PAX5: variants seen among roughly 807,000 people sequenced by gnomAD.
PAX5 encodes the protein paired box 5.
A neutral mutation model predicts 43.7 loss-of-function variants in PAX5; 9 were observed. The ratio of observed to expected loss-of-function variants is 0.21; its 90% CI spans 0.12 to 0.36. The LOEUF is 0.36. Among genes scored for constraint, PAX5 ranks in the 10% least tolerant of loss-of-function variants. The probability of loss-of-function intolerance (pLI) is 1.00; values close to 1 mark genes in which losing one functional copy is unlikely to be tolerated. For missense variants in PAX5, 383 were observed against 532.7 expected (o/e 0.72, Z 2.77); for synonymous variants, 228 against 214.3 (o/e 1.06, Z -0.56).
At chr9:36,992,604 C>T (rs1438938558) in intron 5 of PAX5, among the ~76,000 whole-genome samples, 1 of 152,250 alleles carries the variant, frequency 6.6e-6, no homozygotes, top group Non-Finnish European at 1.5e-5. Flanking sequence ...AGAAGCACTA[C>T]ATACATATCC....
At chr9:36,861,686 G>T (rs1215845680) in intron 8 of PAX5, among the ~76,000 whole-genome samples, 2 of 151,902 alleles carry the variant, frequency 1.3e-5, no homozygotes, top group Non-Finnish European at 2.9e-5. Context: ...GAGGTGTGTG[G>T]CTAGGACAGC....
chr9:36,922,395 A>C (rs1830242453), intron 7 of PAX5, among the ~76,000 whole-genome samples: 1 of 152,130 alleles, frequency 6.6e-6, no homozygotes, highest in African/African-American at 2.4e-5. Context: ...CCCCTTGTCT[A>C]TTTGTGCAGT....
intron 5 of PAX5, among the ~76,000 whole-genome samples, chr9:37,001,956 C>T (rs1243968040): frequency 6.6e-6 from 1 of 151,860 alleles, no homozygotes; most frequent in Non-Finnish European, 1.5e-5. Flanking sequence ...TGTCCGGTGT[C>T]CAGGATGGAG....
At chr9:36,932,344 T>C (rs1256459243) in intron 6 of PAX5, among the ~76,000 whole-genome samples, 1 of 152,192 alleles carries the variant, frequency 6.6e-6, no homozygotes, top group East Asian at 1.9e-4. Flanking sequence ...CTGAAGTTTG[T>C]CGAAAAATAA....
At chr9:37,025,968 C>T (rs533726785) in intron 1 of PAX5, among the ~76,000 whole-genome samples, 54 of 152,260 alleles carry the variant, frequency 3.5e-4, no homozygotes, top group African/African-American at 1.2e-3. Context: ...ACTCAGAAAC[C>T]GCTACTTCCT....
intron 8 of PAX5, among the ~76,000 whole-genome samples, chr9:36,856,271 C>T (rs10511934): frequency 0.17 from 25,252 of 152,180 alleles, 2,126 homozygotes; most frequent in Middle Eastern, 0.28. Context: ...AAACACCAGT[C>T]CCGATCTTTG....
chr9:36,973,835 G>A (rs369542637), intron 5 of PAX5, among the ~76,000 whole-genome samples: 1 of 152,166 alleles, frequency 6.6e-6, no homozygotes, highest in African/African-American at 2.4e-5. Context: ...GTAAAACCCC[G>A]TCTCTACTAA....
chr9:36,978,736 G>A (rs1418888324), intron 5 of PAX5, among the ~76,000 whole-genome samples: 1 of 152,120 alleles, frequency 6.6e-6, no homozygotes, highest in Non-Finnish European at 1.5e-5. Context: ...ATCAAAGTGA[G>A]AGGGAGGAAA....
chr9:36,843,142 G>C (rs988559743), intron 9 of PAX5, among the ~76,000 whole-genome samples: 2 of 151,986 alleles, frequency 1.3e-5, no homozygotes, highest in Non-Finnish European at 2.9e-5. Context: ...GTGTGTGTGT[G>C]CATGTGTGTG....
intron 9 of PAX5, among the ~76,000 whole-genome samples, chr9:36,842,512 G>C (rs1010684661): frequency 2.6e-5 from 4 of 152,096 alleles, no homozygotes; most frequent in African/African-American, 7.2e-5. Flanking sequence ...ACCCTCCAGC[G>C]GGCCTCCGTG....
At chr9:36,896,418 G>A (rs1435988178) in intron 7 of PAX5, among the ~76,000 whole-genome samples, 1 of 151,952 alleles carries the variant, frequency 6.6e-6, no homozygotes, top group Non-Finnish European at 1.5e-5. Context: ...TACGAGACAG[G>A]CAGGCTGAGC....
Position 36,840,407 on chromosome 9 carries a change from G to A in PAX5, c.*153C>T. Reference sequence around the variant, plus strand: ...AACGGCCCCACCAAAGGGCCCCAGAGTCCCTGGAGGAAGAGAGGAAGAGGG... The same window carrying A: ...AACGGCCCCACCAAAGGGCCCCAGAATCCCTGGAGGAAGAGAGGAAGAGGG... On this transcript the variant is annotated 3_prime_UTR_variant, in exon 10 of 10. Transcript: ENST00000358127. 2 of 762,552 alleles carry A rather than the reference G, an allele frequency of 2.6e-6. No homozygotes were observed. Among genetic ancestry groups the A allele is most frequent in the South Asian group, 3.0e-5 (2 of 66,304 alleles). The allele number at this position is 762,552 out of a possible 1,614,324, so 47.2% of individuals were successfully genotyped here. A position where few individuals can be genotyped will look rare whatever the true frequency, so the allele number is the denominator to read the frequency against.
At chr9:36,960,370 CCCTTGG>C (rs1833860745) in intron 6 of PAX5, among the ~76,000 whole-genome samples, 1 of 152,166 alleles carries the variant, frequency 6.6e-6, no homozygotes, top group Non-Finnish European at 1.5e-5. Context: ...GGCAGCAGCC[CCCTTGG>C]ACACAGGAGC....
At chr9:36,999,158 C>T (rs910893545) in intron 5 of PAX5, among the ~76,000 whole-genome samples, 2 of 152,184 alleles carry the variant, frequency 1.3e-5, no homozygotes, top group Admixed American at 1.3e-4. Flanking sequence ...AAGTCTAAGC[C>T]ACCCACATCT....
chr9:37,029,336 C>G (rs1185733440), intron 1 of PAX5, among the ~76,000 whole-genome samples: 1 of 152,230 alleles, frequency 6.6e-6, no homozygotes, highest in Admixed American at 6.5e-5. Context: ...CTGTTCCACA[C>G]CCAGCTGTCC....
chr9:36,837,804 G>A lies in PAX5; in HGVS notation c.*2756C>T, dbSNP rs1821746912. The A allele has an allele frequency of 4.3e-6, 1 of 233,524 alleles. No homozygotes were observed. The highest frequency in any genetic ancestry group is 8.5e-6 in the Non-Finnish European group (1 of 118,140). 14.5% of individuals were successfully genotyped at this position (233,524 alleles called of 1,614,324 possible). A position where few individuals can be genotyped will look rare whatever the true frequency, so the allele number is the denominator to read the frequency against. ...ATGGGGGGAGCTCATTACAGGGCAAGAAGAGGAACAGGATGGGGAGAGGGG... is the reference window on the plus strand; with the variant it reads ...ATGGGGGGAGCTCATTACAGGGCAAAAAGAGGAACAGGATGGGGAGAGGGG... On this transcript the variant is annotated 3_prime_UTR_variant, in exon 10 of 10. Transcript: ENST00000358127.
chr9:36,969,357 C>T (rs973289670), intron 5 of PAX5, among the ~76,000 whole-genome samples: 1 of 152,120 alleles, frequency 6.6e-6, no homozygotes, highest in Non-Finnish European at 1.5e-5. Context: ...CAGGCTTGAT[C>T]CCTCTCCCCC....
chr9:36,836,859 G>A lies in PAX5; in HGVS notation c.*3701C>T. The A allele has an allele frequency of 4.3e-6, 1 of 232,574 alleles. No homozygotes were observed. 14.4% of individuals were successfully genotyped at this position (232,574 alleles called of 1,614,324 possible). ...AGGGCTGGACCCATGTCCAGGCCTGGTCAGGGATTATGGCATGGCCTTGAA... is the reference window on the plus strand; with the variant it reads ...AGGGCTGGACCCATGTCCAGGCCTGATCAGGGATTATGGCATGGCCTTGAA... On this transcript the variant is annotated 3_prime_UTR_variant, in exon 10 of 10. Transcript: ENST00000358127.
chr9:36,987,868 C>G (rs1436989128), intron 5 of PAX5, among the ~76,000 whole-genome samples: 4 of 152,182 alleles, frequency 2.6e-5, no homozygotes, highest in African/African-American at 4.8e-5. Flanking sequence ...GAGGGAGGTA[C>G]GCAGGTTCTT....
Sources: gnomAD v4.1 joint callset for allele counts (sites outside exome capture counted in the v4.1 genomes callset) on GRCh38, gnomAD v4.1.1 for gene constraint, MANE v1.5 for transcripts, NCBI Gene and HGNC (gene_info 2026-07-23, HGNC 2026-07-21) for gene names.